Variants in PCK2 observed in about 807,000 individuals in gnomAD.
PCK2 encodes the protein phosphoenolpyruvate carboxykinase [GTP], mitochondrial.
Under a neutral mutation model 65.9 loss-of-function variants are expected in PCK2, and 56 were observed. The observed-to-expected ratio is 0.85, with a 90% CI of 0.69 to 1.06. The LOEUF is 1.06. PCK2 is among the 50% of genes least tolerant of loss of function. The pLI is 0.00. For synonymous variants in PCK2, 305 were observed against 319.6 expected, an observed-to-expected ratio of 0.95 and a Z score of 0.49; for missense variants, 843 against 863.1, an observed-to-expected ratio of 0.98 and a Z score of 0.29.
chr14:24,103,484 C>G (rs770443429), intron 9 of PCK2, 26 bp from the exon 10 acceptor site: 2 of 1,528,124 alleles, frequency 1.3e-6, no homozygotes, highest in South Asian at 2.6e-5. Flanking sequence ...AAGGAAGATT[C>G]CTTACCCATC....
Position 24,094,824 on chromosome 14 carries a change from C to T in PCK2, c.29+390C>T, listed in dbSNP as rs1345489457. The T allele has an allele frequency of 1.5e-6, 2 of 1,326,772 alleles. No homozygotes were observed. Among genetic ancestry groups the T allele is most frequent in the South Asian group, 1.2e-5 (1 of 81,326 alleles). 82.2% of individuals were successfully genotyped at this position (1,326,772 alleles called of 1,614,324 possible). On this transcript the variant is annotated intron_variant, in intron 1 of 9. Transcript: ENST00000216780. The surrounding 1 kb of genome is among the most constrained non-coding windows in gnomAD (Gnocchi z 4.1). Reference sequence around the variant, plus strand: ...CAGCGCCCCAGGGTACTTCGAGAGGCAGCAGGGCCCTGGGGACAAGGGTAC... The same window carrying T: ...CAGCGCCCCAGGGTACTTCGAGAGGTAGCAGGGCCCTGGGGACAAGGGTAC...
chr14:24,103,159 G>C lies in PCK2; in HGVS notation c.1373-1G>C, dbSNP rs2037231759. 6.2e-7 allele frequency: 1 copy of C among 1,612,000 alleles called. No individual in the cohort carries two copies. The highest frequency in any genetic ancestry group is 8.5e-7 in the Non-Finnish European group (1 of 1,178,072). On this transcript the variant is annotated splice_acceptor_variant, in intron 8 of 9. Transcript: ENST00000216780. LOFTEE classifies it high-confidence loss of function. ...TGTGACTCTGTTCATTGGTGATCTA[G>C]GGGTACCCCTGGTATACGAGGCCTT...
rs1566577947 is a variant in PCK2 at position 24,099,626 on chromosome 14, C to T, written c.921C>T (p.Gly307=). 5 of 1,613,908 alleles carry T rather than the reference C, an allele frequency of 3.1e-6. No individual in the cohort carries two copies. The highest frequency in any genetic ancestry group is 3.4e-6 in the Non-Finnish European group (4 of 1,179,840). Residue 307 remains glycine (G), a synonymous_variant, in exon 6 of 10, where the codon GGC becomes GGT. Transcript: ENST00000216780. The part of the protein sequence containing the change: ...YVAAAFPSAC[G]KTNLAMMRPA... ...CAGCCGCCTTCCCTAGTGCCTGTGG[C>T]AAGACCAACCTGGCTATGATGCGGC...
At position 24,099,058 on chromosome 14, in the gene PCK2, T is replaced by A. The variant is rs1448658147; in HGVS notation, c.674T>A (p.Val225Glu). The A allele has an allele frequency of 6.2e-7, 1 of 1,600,598 alleles. No homozygotes were observed. The highest frequency in any genetic ancestry group is 1.3e-5 in the African/African-American group (1 of 74,694). ...GQPLTGQGEPVSQWPCNPEKT... is the reference protein window; with the variant it reads ...GQPLTGQGEPESQWPCNPEKT... ...ACCCCATTGTCCCCAGGGGAGCCAG[T>A]GAGCCAGTGGCCGTGCAACCCAGAG... is the stretch of plus-strand genomic sequence containing the variant. The change falls in exon 5 of 10, where the codon GTG (valine) becomes GAG (glutamate). Residue 225 changes from valine (V) to glutamate (E), a missense_variant. By Grantham distance (121) the Val-to-Glu change is moderately radical. Coordinates refer to ENST00000216780, the MANE Select transcript of PCK2 (RefSeq NM_004563.4).
At chr14:24,101,756 C>T (rs188627370) in intron 7 of PCK2, among the ~76,000 whole-genome samples, 1 of 152,098 alleles carries the variant, frequency 6.6e-6, no homozygotes, top group East Asian at 1.9e-4. Context: ...ACCCCGTCTC[C>T]AATAAAATAC....
At position 24,103,166 on chromosome 14, in the gene PCK2, C is replaced by T. The variant is rs200387123; in HGVS notation, c.1379C>T (p.Pro460Leu). 2.7e-5 allele frequency: 43 copies of T among 1,612,896 alleles called. No individual in the cohort carries two copies. The East Asian group carries it at 4.7e-4, about 18-fold the overall frequency. ...CTGTTCATTGGTGATCTAGGGGTAC[C>T]CCTGGTATACGAGGCCTTCAACTGG... is the stretch of plus-strand genomic sequence containing the variant. The part of the protein sequence containing the change: ...IFGGRRPKGV[P>L]LVYEAFNWRH... The change falls in exon 9 of 10, where the codon CCC becomes CTC. Residue 460 changes from proline (P) to leucine (L), a missense_variant. Pro to Leu is a moderately conservative substitution (Grantham distance 98). Transcript: ENST00000216780.
Position 24,099,539 on chromosome 14 carries a change from C to T in PCK2, c.853-19C>T, listed in dbSNP as rs2037064287. 2.6e-6 allele frequency: 4 copies of T among 1,558,724 alleles called. No homozygotes were observed. The highest frequency in any genetic ancestry group is 1.4e-5 in the African/African-American group (1 of 73,326). On this transcript the variant is annotated intron_variant, in intron 5 of 9. Coordinates refer to ENST00000216780, the MANE Select transcript of PCK2 (RefSeq NM_004563.4). ...CTTTTGGTGACCTCTTTCTTATTCCCTCTCTCCCCAATGCACAGATCCTGG... is the reference window on the plus strand; with the variant it reads ...CTTTTGGTGACCTCTTTCTTATTCCTTCTCTCCCCAATGCACAGATCCTGG...
chr14:24,099,280 AG>A lies in PCK2; in HGVS notation c.852+48del, dbSNP rs748888635. ...GCAGGGCAGCTGCCGGGGACAGGGCAGGGGTGGGGCCTGGCCAGTCTGCCTC... is the reference window on the plus strand; with the variant it reads ...GCAGGGCAGCTGCCGGGGACAGGGCAGGGTGGGGCCTGGCCAGTCTGCCTC... On this transcript the variant is annotated intron_variant, in intron 5 of 9. Transcript: ENST00000216780. The A allele has an allele frequency of 3.9e-5, 60 of 1,551,270 alleles. No homozygotes were observed. The South Asian group carries it at 6.8e-4, about 18-fold the overall frequency.
rs61752842 is a variant in PCK2 at position 24,096,930 on chromosome 14, C to G, written c.68C>G (p.Ser23Ter). The G allele has an allele frequency of 3.0e-3, 4,834 of 1,613,536 alleles. 10 individuals are homozygous for G. Among genetic ancestry groups the G allele is most frequent in the Non-Finnish European group, 3.7e-3 (4,389 of 1,179,584 alleles). ...GGGCTGAGCCCCTTGGGCTGGCCAT[C>G]ATGCCGTAGCATCCAGACCCTGCGA... is the stretch of plus-strand genomic sequence containing the variant. ...WHGLSPLGWP[S>*]CRSIQTLRVL... is the part of the protein sequence containing the mutation. Residue 23 changes from serine to a stop codon, truncating the protein, a stop_gained, in exon 2 of 10, where the codon TCA becomes TGA. Coordinates refer to ENST00000216780, the MANE Select transcript of PCK2 (RefSeq NM_004563.4). LOFTEE classifies it high-confidence loss of function.
Position 24,098,302 on chromosome 14 carries a change from T to TGG in PCK2, c.378_379dup (p.Ala127GlyfsTer66). On this transcript the variant is annotated frameshift_variant, in exon 3 of 10. Coordinates refer to ENST00000216780, the MANE Select transcript of PCK2 (RefSeq NM_004563.4). LOFTEE classifies it high-confidence loss of function. ...GGGACACGGTACCACTCCCGCCTGGTGGGGCCCGTGGGCAGCTGGGCAACT... is the reference window on the plus strand; with the variant it reads ...GGGACACGGTACCACTCCCGCCTGGTGGGGGGCCCGTGGGCAGCTGGGCAACT... 1 of 1,613,990 alleles carries TGG rather than the reference T, an allele frequency of 6.2e-7. No homozygotes were observed. The highest frequency in any genetic ancestry group is 8.5e-7 in the Non-Finnish European group (1 of 1,179,922).
intron 2 of PCK2, 124 bp from the exon 3 acceptor site, chr14:24,098,079 T>C: frequency 1.3e-6 from 1 of 748,896 alleles, no homozygotes; most frequent in Admixed American, 2.9e-5. Context: ...GACTGAGATG[T>C]GATTGGGTGG....
intron 1 of PCK2, chr14:24,095,076 A>G (rs2036804754): frequency 4.4e-6 from 2 of 455,992 alleles, no homozygotes; most frequent in African/African-American, 2.0e-5. Context: ...TGGAGCCCCC[A>G]GGCTCGTCCT....
rs1246715617 is a variant in PCK2 at position 24,103,407 on chromosome 14, TC to T, written c.1469-102del. The T allele has an allele frequency of 5.6e-5, 68 of 1,222,644 alleles. No individual in the cohort carries two copies. In the South Asian group the frequency reaches 9.0e-4, roughly 16 times the overall value. The allele number at this position is 1,222,644 out of a possible 1,614,324, so 75.7% of individuals were successfully genotyped here. The stretch of plus-strand genomic sequence containing the variant: ...ATCTTTTCCCCATCCCTGAAGATAT[TC>T]AGAACCATAAGCCTTTCACAGCTTC... On this transcript the variant is annotated intron_variant, in intron 9 of 9. Coordinates refer to ENST00000216780, the MANE Select transcript of PCK2 (RefSeq NM_004563.4).
At position 24,096,996 on chromosome 14, in the gene PCK2, G is replaced by A. The variant is rs751444798; in HGVS notation, c.134G>A (p.Arg45Gln). 6.8e-6 allele frequency: 11 copies of A among 1,613,296 alleles called. No homozygotes were observed. The Middle Eastern group carries it at 6.6e-4, about 97-fold the overall frequency. ...GDLGQLPTGI[R>Q]DFVEHSARLC... is the part of the protein sequence containing the mutation. ...CTGGGCCAGCTTCCCACTGGCATTC[G>A]AGATTTTGTAGAGCACAGTGCCCGC... The change falls in exon 2 of 10, where the codon CGA (arginine) becomes CAA (glutamine). Residue 45 changes from arginine (R) to glutamine (Q), a missense_variant. Coordinates refer to ENST00000216780, the MANE Select transcript of PCK2 (RefSeq NM_004563.4).
chr14:24,096,230 T>C (rs2036875526), intron 1 of PCK2, among the ~76,000 whole-genome samples: 1 of 5,602 alleles, frequency 1.8e-4, no homozygotes, highest in Non-Finnish European at 5.0e-4. Flanking sequence ...ACTCATTTCT[T>C]TTTTTTTTTT....
At position 24,097,135 on chromosome 14, in the gene PCK2, C is replaced by A. The variant is rs150238269; in HGVS notation, c.273C>A (p.Asn91Lys). The change falls in exon 2 of 10, where the codon AAC becomes AAA. Residue 91 changes from asparagine (N) to lysine (K), a missense_variant and splice_region_variant. Coordinates refer to ENST00000216780, the MANE Select transcript of PCK2 (RefSeq NM_004563.4). ...GLIRKLPKYN[N>K]CWLARTDPKD... ...TCCGAAAGCTCCCCAAGTACAATAA[C>A]TGGTAAGCCTTGGGCTCCACAACCT... 1.0e-4 allele frequency: 165 copies of A among 1,613,728 alleles called. No homozygotes were observed. In the African/African-American group the frequency reaches 2.0e-3, roughly 19 times the overall value.
chr14:24,099,364 C>G, intron 5 of PCK2, 128 bp downstream of exon 5: 1 of 1,069,228 alleles, frequency 9.4e-7, no homozygotes, highest in East Asian at 2.6e-5. Flanking sequence ...TACTTGAAGG[C>G]CCAAAGCTTT....
At position 24,097,018 on chromosome 14, in the gene PCK2, C is replaced by T; in HGVS notation, c.156C>T (p.Ala52=). 1 of 1,613,376 alleles carries T rather than the reference C, an allele frequency of 6.2e-7. No individual in the cohort carries two copies. Among genetic ancestry groups the T allele is most frequent in the Non-Finnish European group, 8.5e-7 (1 of 1,179,790 alleles). ...TTCGAGATTTTGTAGAGCACAGTGC[C>T]CGCCTGTGCCAACCAGAGGGCATCC... The part of the protein sequence containing the change: ...TGIRDFVEHS[A]RLCQPEGIHI... Residue 52 remains alanine, a synonymous_variant, in exon 2 of 10, where the codon GCC becomes GCT. Coordinates refer to ENST00000216780, the MANE Select transcript of PCK2 (RefSeq NM_004563.4).
At chr14:24,095,607 G>T (rs145116907) in intron 1 of PCK2, among the ~76,000 whole-genome samples, 238 of 152,332 alleles carry the variant, frequency 1.6e-3, no homozygotes, top group African/African-American at 5.6e-3. Flanking sequence ...CTAGGAAGAA[G>T]AGCCAGGGGA....
Sources: allele counts gnomAD v4.1 joint callset (sites outside exome capture counted in the v4.1 genomes callset), GRCh38; gene constraint gnomAD v4.1.1; non-coding constraint Gnocchi (gnomAD v3.1); transcripts MANE v1.5; gene names NCBI Gene and HGNC (gene_info 2026-07-23, HGNC 2026-07-21).